Variants in ANK3 observed in about 807,000 individuals in gnomAD.
ANK3 encodes the protein ankyrin-3.
In ANK3, 57 loss-of-function variants were observed where a neutral mutation model predicts 370.9. The ratio of observed to expected loss-of-function variants is 0.15; its 90% CI spans 0.12 to 0.19. The LOEUF is 0.19. Among genes scored for constraint, ANK3 ranks in the 10% least tolerant of loss-of-function variants. The pLI is 1.00. For synonymous variants in ANK3, 1,929 were observed against 1,946.3 expected, an observed-to-expected ratio of 0.99 and a Z score of 0.23; for missense variants, 4,439 against 5,302.1, an observed-to-expected ratio of 0.84 and a Z score of 5.06.
intron 2 of ANK3, among the ~76,000 whole-genome samples, chr10:60,433,828 A>G (rs1331915522): frequency 1.3e-5 from 2 of 152,202 alleles, no homozygotes; most frequent in Admixed American, 1.3e-4. Context: ...CTGAGTACAT[A>G]TATCAAATGC....
intron 1 of ANK3, among the ~76,000 whole-genome samples, chr10:60,729,354 T>C (rs1054352271): frequency 5.9e-5 from 9 of 152,132 alleles, no homozygotes; most frequent in East Asian, 3.8e-4. Context: ...CCCAGAGAAG[T>C]AGCACAGCCC....
At chr10:60,370,496 G>A (rs544989141) in intron 1 of ANK3, among the ~76,000 whole-genome samples, 3 of 151,718 alleles carry the variant, frequency 2.0e-5, no homozygotes, top group Non-Finnish European at 4.4e-5. Flanking sequence ...TGCTCTCAAA[G>A]TAGAAGAATG....
chr10:60,128,878 T>C (rs1368337614), intron 25 of ANK3, among the ~76,000 whole-genome samples: 2 of 152,238 alleles, frequency 1.3e-5, no homozygotes, highest in Admixed American at 6.5e-5. Context: ...AGCATTCCAT[T>C]TATGTAATGA....
At chr10:60,621,386 T>G (rs1202565614) in intron 1 of ANK3, among the ~76,000 whole-genome samples, 2 of 152,226 alleles carry the variant, frequency 1.3e-5, no homozygotes, top group Non-Finnish European at 2.9e-5. Context: ...AAGAAATGTC[T>G]ACTACAGAGC....
intron 2 of ANK3, among the ~76,000 whole-genome samples, chr10:60,581,107 T>G (rs2077744955): frequency 6.6e-6 from 1 of 152,232 alleles, no homozygotes; most frequent in African/African-American, 2.4e-5. Context: ...ACGAGGTGCA[T>G]TATAAATACC....
intron 23 of ANK3, among the ~76,000 whole-genome samples, chr10:60,154,673 T>TAGTCCCAA (rs1227648022): frequency 1.3e-5 from 2 of 152,114 alleles, no homozygotes; most frequent in Non-Finnish European, 2.9e-5. Context: ...TGGGCGCCTG[T>TAGTCCCAA]AGTCCCAACT....
At chr10:60,686,811 T>A (rs1052472070) in intron 1 of ANK3, among the ~76,000 whole-genome samples, 40 of 152,290 alleles carry the variant, frequency 2.6e-4, no homozygotes. Context: ...AACTTAGTAT[T>A]CGATAGGAAT....
intron 10 of ANK3, 39 bp from the exon 11 acceptor site, chr10:60,205,929 C>T (rs2096756000): frequency 2.3e-6 from 3 of 1,301,468 alleles, no homozygotes; most frequent in Admixed American, 3.4e-5. Flanking sequence ...TGACTACATT[C>T]CATCAAAATC....
intron 1 of ANK3, among the ~76,000 whole-genome samples, chr10:60,298,401 C>T (rs1426856344): frequency 6.6e-6 from 1 of 152,124 alleles, no homozygotes; most frequent in African/African-American, 2.4e-5. Context: ...GTCCATAGTT[C>T]AGCTCATGCA....
intron 25 of ANK3, among the ~76,000 whole-genome samples, chr10:60,128,355 C>T (rs72820428): frequency 0.19 from 28,947 of 151,252 alleles, 3,169 homozygotes; most frequent in East Asian, 0.48. Flanking sequence ...TACTCATGCT[C>T]TCTGTGCCTC....
intron 2 of ANK3, among the ~76,000 whole-genome samples, chr10:60,395,638 CTCTCTCTCTCTCTT>C (rs1173218685): frequency 1.4e-5 from 2 of 147,832 alleles, no homozygotes; most frequent in African/African-American, 5.0e-5. Context: ...CTCTCTCTCT[CTCTCTCTCTCTCTT>C]TCTTTCTTTC....
chr10:60,361,153 C>T (rs745463897), intron 1 of ANK3, among the ~76,000 whole-genome samples: 2 of 152,160 alleles, frequency 1.3e-5, no homozygotes, highest in Non-Finnish European at 2.9e-5. Context: ...AATCTTTCTT[C>T]TGGGGTTTTC....
At chr10:60,093,476 T>TC (rs1455576977) in intron 28 of ANK3, among the ~76,000 whole-genome samples, 2 of 152,180 alleles carry the variant, frequency 1.3e-5, no homozygotes, top group African/African-American at 2.4e-5. Context: ...TTACTTGAGA[T>TC]CAGTCTAGAC....
intron 1 of ANK3, among the ~76,000 whole-genome samples, chr10:60,319,769 A>T (rs1240473697): frequency 6.6e-6 from 1 of 152,314 alleles, no homozygotes; most frequent in East Asian, 1.9e-4. Flanking sequence ...AAATGTAAAA[A>T]AAAGTTACAG....
Position 60,181,332 on chromosome 10 carries a change from T to C in ANK3, c.2181A>G (p.Thr727=), listed in dbSNP as rs771663816. ...GTGGCAAGGGAGGGCCGTATACCTT[T>C]GTCTGGGCGTCCACATGAGCCCCTT... The part of the protein sequence containing the change: ...VNQGAHVDAQ[T]KMGYTPLHVG... Residue 727 remains threonine (T), a synonymous_variant, in exon 18 of 44, where the codon ACA becomes ACG. Coordinates refer to ENST00000280772, the MANE Select transcript of ANK3 (RefSeq NM_020987.5). 1 of 1,614,092 alleles carries C rather than the reference T, an allele frequency of 6.2e-7. No homozygotes were observed. Among genetic ancestry groups the C allele is most frequent in the South Asian group, 1.1e-5 (1 of 91,082 alleles).
At chr10:60,226,548 TA>T (rs1190857712) in intron 8 of ANK3, among the ~76,000 whole-genome samples, 1 of 23,556 alleles carries the variant, frequency 4.2e-5, no homozygotes, top group Admixed American at 5.7e-4. Context: ...ATAGTATATA[TA>T]CTATAGTATA....
intron 2 of ANK3, among the ~76,000 whole-genome samples, chr10:60,426,006 GA>G (rs547845861): frequency 1.8e-4 from 28 of 152,124 alleles, no homozygotes; most frequent in African/African-American, 6.7e-4. Flanking sequence ...GAAAGAAGAA[GA>G]AAAAAGAGTA....
chr10:60,198,347 G>A lies in ANK3; in HGVS notation c.1682C>T (p.Thr561Ile), dbSNP rs1034688403. ...LLDHGASLSI[T>I]TKKGFTPLHV... ...TGAGATTTGCTTTCATACCTTTGTT[G>A]TTATAGATAAAGACGCTCCATGATC... The change falls in exon 14 of 44, where the codon ACA becomes ATA. Residue 561 changes from threonine (T) to isoleucine (I), a missense_variant. By Grantham distance (89) the Thr-to-Ile change is moderately conservative (BLOSUM62 -1). Coordinates refer to ENST00000280772, the MANE Select transcript of ANK3 (RefSeq NM_020987.5). 2 of 1,614,080 alleles carry A rather than the reference G, an allele frequency of 1.2e-6. No homozygotes were observed. Among genetic ancestry groups the A allele is most frequent in the African/African-American group, 1.3e-5 (1 of 74,930 alleles).
chr10:60,160,046 T>C (rs1478451769), intron 23 of ANK3, among the ~76,000 whole-genome samples: 1 of 151,862 alleles, frequency 6.6e-6, no homozygotes, highest in Non-Finnish European at 1.5e-5. Context: ...TCAAAATTTA[T>C]AGAAGAAAAT....
Sources: gnomAD v4.1 joint callset for allele counts (sites outside exome capture counted in the v4.1 genomes callset) on GRCh38, gnomAD v4.1.1 for gene constraint, MANE v1.5 for transcripts, NCBI Gene and HGNC (gene_info 2026-07-23, HGNC 2026-07-21) for gene names.